The following ADIPOQ variants were observed in gnomAD, a reference collection of about 807,000 sequenced individuals.
ADIPOQ encodes the protein adiponectin, C1Q and collagen domain containing, also known as adiponectin.
ADIPOQ carries 19 observed loss-of-function variants against 16.1 expected under a neutral mutation model. The ratio of observed to expected loss-of-function variants is 1.18; its 90% CI spans 0.82 to 1.73. The LOEUF (loss-of-function observed/expected upper bound fraction) is 1.73. ADIPOQ is among the 40% of genes most tolerant of loss of function. ADIPOQ has a pLI of 0.00. For synonymous variants in ADIPOQ, 124 were observed against 125.5 expected, an observed-to-expected ratio of 0.99 and a Z score of 0.08; for missense variants, 323 against 308.3, an observed-to-expected ratio of 1.05 and a Z score of -0.36.
At position 186,854,900 on chromosome 3, in the gene ADIPOQ, T is replaced by C; in HGVS notation, c.*196T>C. ...TGCTATGTTCCCAGTCCTGGGGAGC[T>C]TCACAAACATGACCAGATAACTGAC... On this transcript the variant is annotated 3_prime_UTR_variant, in exon 3 of 3. Transcript: ENST00000320741. 1.3e-6 allele frequency: 1 copy of C among 775,764 alleles called. No individual in the cohort carries two copies. Among genetic ancestry groups the C allele is most frequent in the Non-Finnish European group, 2.0e-6 (1 of 494,440 alleles). The allele number at this position is 775,764 out of a possible 1,614,324, so 48.1% of individuals were successfully genotyped here. A position where few individuals can be genotyped will look rare whatever the true frequency, so the allele number is the denominator to read the frequency against.
At position 186,856,273 on chromosome 3, in the gene ADIPOQ, C is replaced by T. The variant is rs1711998904; in HGVS notation, c.*1569C>T. Reference sequence around the variant, plus strand: ...TAAACATTCTCTCAGGAGACAATAACTCCAGTGATGTTCTTCAAAGATTTT... The same window carrying T: ...TAAACATTCTCTCAGGAGACAATAATTCCAGTGATGTTCTTCAAAGATTTT... On this transcript the variant is annotated 3_prime_UTR_variant, in exon 3 of 3. Transcript: ENST00000320741. The T allele has an allele frequency of 6.6e-6, 1 of 152,194 alleles. No individual in the cohort carries two copies. The highest frequency in any genetic ancestry group is 2.4e-5 in the African/African-American group (1 of 41,460). The allele number at this position is 152,194 out of a possible 1,614,324, so 9.4% of individuals were successfully genotyped here. A position where few individuals can be genotyped will look rare whatever the true frequency, so the allele number is the denominator to read the frequency against.
chr3:186,845,033 G>T (rs1037500111), intron 1 of ADIPOQ, among the ~76,000 whole-genome samples: 8 of 152,002 alleles, frequency 5.3e-5, no homozygotes, highest in African/African-American at 1.7e-4. Flanking sequence ...TGTTTTATTA[G>T]TTCCTTGACA....
At chr3:186,846,720 T>C (rs899239425) in intron 1 of ADIPOQ, among the ~76,000 whole-genome samples, 2 of 152,168 alleles carry the variant, frequency 1.3e-5, no homozygotes, top group Non-Finnish European at 2.9e-5. Flanking sequence ...CACTTTAACA[T>C]GAAGATAAAT....
At position 186,854,929 on chromosome 3, in the gene ADIPOQ, A is replaced by G. The variant is rs2108492538; in HGVS notation, c.*225A>G. On this transcript the variant is annotated 3_prime_UTR_variant, in exon 3 of 3. Transcript: ENST00000320741. ...CAAACATGACCAGATAACTGACTAGAAAGAAGTAGTTGACAGTGCTATTTT... is the reference window on the plus strand; with the variant it reads ...CAAACATGACCAGATAACTGACTAGGAAGAAGTAGTTGACAGTGCTATTTT... 1 of 631,200 alleles carries G rather than the reference A, an allele frequency of 1.6e-6. No individual in the cohort carries two copies. The highest frequency in any genetic ancestry group is 4.5e-4 in the Middle Eastern group (1 of 2,228). The allele number at this position is 631,200 out of a possible 1,614,324, so 39.1% of individuals were successfully genotyped here.
Position 186,854,598 on chromosome 3 carries a change from A to G in ADIPOQ, c.629A>G (p.Gln210Arg), listed in dbSNP as rs746639990. Residue 210 changes from glutamine (Q) to arginine (R), a missense_variant, in exon 3 of 3, where the codon CAA becomes CGA. Coordinates refer to ENST00000320741, the MANE Select transcript of ADIPOQ (RefSeq NM_004797.4). Reference protein sequence around the residue: ...SVLLHLEVGDQVWLQVYGEGE... With the variant: ...SVLLHLEVGDRVWLQVYGEGE... Reference sequence around the variant, plus strand: ...CTCCTGCATCTGGAGGTGGGCGACCAAGTCTGGCTCCAGGTGTATGGGGAA... The same window carrying G: ...CTCCTGCATCTGGAGGTGGGCGACCGAGTCTGGCTCCAGGTGTATGGGGAA... 3.5e-5 allele frequency: 56 copies of G among 1,613,966 alleles called. No homozygotes were observed. The Admixed American group carries it at 9.3e-4, about 27-fold the overall frequency.
intron 1 of ADIPOQ, among the ~76,000 whole-genome samples, chr3:186,845,000 A>G (rs1373707507): frequency 6.6e-6 from 1 of 151,984 alleles, no homozygotes; most frequent in Non-Finnish European, 1.5e-5. Flanking sequence ...TATCCTAAAA[A>G]TGTGGTGGTG....
intron 1 of ADIPOQ, among the ~76,000 whole-genome samples, chr3:186,843,346 T>G (rs1397088615): frequency 2.0e-5 from 3 of 152,168 alleles, no homozygotes; most frequent in Non-Finnish European, 1.5e-5. Context: ...GGTATAGGGA[T>G]ATCTTACAAG....
In ADIPOQ at chr3:186,856,980, T is replaced by C. The variant is rs1712029364; in HGVS notation, c.*2276T>C. The C allele has an allele frequency of 6.6e-6, 1 of 152,248 alleles. No homozygotes were observed. Among genetic ancestry groups the C allele is most frequent in the Non-Finnish European group, 1.5e-5 (1 of 68,048 alleles). The allele number at this position is 152,248 out of a possible 1,614,324, so 9.4% of individuals were successfully genotyped here. Reference sequence around the variant, plus strand: ...AGACCCTTTTCTGTATGTCCTTCTGTTCTGCCTTCCGCAGTGTAGGCTTTA... The same window carrying C: ...AGACCCTTTTCTGTATGTCCTTCTGCTCTGCCTTCCGCAGTGTAGGCTTTA... On this transcript the variant is annotated 3_prime_UTR_variant, in exon 3 of 3. Transcript: ENST00000320741.
intron 1 of ADIPOQ, among the ~76,000 whole-genome samples, chr3:186,851,431 G>A (rs375985194): frequency 2.0e-5 from 3 of 152,076 alleles, no homozygotes; most frequent in South Asian, 4.1e-4. Context: ...CCCTAAGATC[G>A]GAGGCAGAAT....
At chr3:186,845,189 G>A (rs1410467784) in intron 1 of ADIPOQ, among the ~76,000 whole-genome samples, 2 of 151,684 alleles carry the variant, frequency 1.3e-5, no homozygotes, top group Non-Finnish European at 2.9e-5. Context: ...TGTGTGTATG[G>A]GTGCGGGTAT....
At chr3:186,843,425 C>T (rs998357593) in intron 1 of ADIPOQ, among the ~76,000 whole-genome samples, 3 of 152,070 alleles carry the variant, frequency 2.0e-5, no homozygotes, top group Non-Finnish European at 4.4e-5. Flanking sequence ...TTTGGGAGAC[C>T]GAGGCGGGTG....
Position 186,854,651 on chromosome 3 carries a change from A to C in ADIPOQ, c.682A>C (p.Asn228His). The change falls in exon 3 of 3, where the codon AAT (asparagine) becomes CAT (histidine). Residue 228 changes from asparagine (N) to histidine (H), a missense_variant. Asn to His is a moderately conservative substitution (Grantham distance 68). Transcript: ENST00000320741. ...AGAGCGTAATGGACTCTATGCTGAT[A>C]ATGACAATGACTCCACCTTCACAGG... ...EGERNGLYAD[N>H]DNDSTFTGFL... 1 of 1,614,174 alleles carries C rather than the reference A, an allele frequency of 6.2e-7. No individual in the cohort carries two copies. Among genetic ancestry groups the C allele is most frequent in the Non-Finnish European group, 8.5e-7 (1 of 1,180,020 alleles).
rs1355591957 is a variant in ADIPOQ at position 186,855,694 on chromosome 3, T to G, written c.*990T>G. On this transcript the variant is annotated 3_prime_UTR_variant, in exon 3 of 3. Transcript: ENST00000320741. ...GGTCTCGAACTCCTGGCCTAGGTGA[T>G]CCACCCGCCTCGACCTCCCAAAGTG... 6.6e-6 allele frequency: 1 copy of G among 152,154 alleles called. No homozygotes were observed. Among genetic ancestry groups the G allele is most frequent in the African/African-American group, 2.4e-5 (1 of 41,408 alleles). The allele number at this position is 152,154 out of a possible 1,614,324, so 9.4% of individuals were successfully genotyped here.
chr3:186,854,537 C>G lies in ADIPOQ; in HGVS notation c.568C>G (p.Gln190Glu), dbSNP rs200035452. ...TATGCTCTTCACCTATGATCAGTAC[C>G]AGGAAAATAATGTGGACCAGGCCTC... Reference protein sequence around the residue: ...KAMLFTYDQYQENNVDQASGS... With the variant: ...KAMLFTYDQYEENNVDQASGS... The change falls in exon 3 of 3, where the codon CAG becomes GAG. Residue 190 changes from glutamine to glutamate, a missense_variant. Physicochemically the swap from Gln to Glu is conservative, Grantham distance 29 (BLOSUM62 2). Transcript: ENST00000320741. The G allele has an allele frequency of 1.2e-5, 20 of 1,614,164 alleles. No homozygotes were observed. The South Asian group carries it at 2.2e-4, about 18-fold the overall frequency.
intron 1 of ADIPOQ, among the ~76,000 whole-genome samples, chr3:186,849,445 T>C (rs1029825786): frequency 6.6e-6 from 1 of 152,228 alleles, no homozygotes; most frequent in Non-Finnish European, 1.5e-5. Flanking sequence ...GCTTCTCATG[T>C]AGCTCACCTC....
intron 1 of ADIPOQ, among the ~76,000 whole-genome samples, chr3:186,846,327 G>A (rs1711579089): frequency 6.6e-6 from 1 of 151,818 alleles, no homozygotes; most frequent in Non-Finnish European, 1.5e-5. Context: ...CGCCTCCCAG[G>A]CTCAAGCAAT....
intron 1 of ADIPOQ, among the ~76,000 whole-genome samples, chr3:186,847,192 T>C (rs1711600816): frequency 6.6e-6 from 1 of 152,242 alleles, no homozygotes; most frequent in South Asian, 2.1e-4. Context: ...CTGAAACGCA[T>C]TACAGGTCAG....
chr3:186,853,368 G>A (rs1711860723), intron 2 of ADIPOQ, 96 bp downstream of exon 2: 5 of 1,441,680 alleles, frequency 3.5e-6, no homozygotes, highest in Non-Finnish European at 4.8e-6. Flanking sequence ...GACACAGGGA[G>A]AAAGCAAAGC....
At chr3:186,848,456 A>G (rs1711645145) in intron 1 of ADIPOQ, among the ~76,000 whole-genome samples, 1 of 152,058 alleles carries the variant, frequency 6.6e-6, no homozygotes, top group Non-Finnish European at 1.5e-5. Context: ...TCCCTGAGAG[A>G]CTCTGTTCTG....
Sources: gnomAD v4.1 joint callset for allele counts (sites outside exome capture counted in the v4.1 genomes callset) on GRCh38, gnomAD v4.1.1 for gene constraint, MANE v1.5 for transcripts, NCBI Gene and HGNC (gene_info 2026-07-23, HGNC 2026-07-21) for gene names.